Variants in SLC24A2 observed in about 807,000 individuals in gnomAD.
SLC24A2 encodes the protein solute carrier family 24 member 2.
Under a neutral mutation model 62.0 loss-of-function variants are expected in SLC24A2, and 36 were observed. The ratio of observed to expected loss-of-function variants is 0.58; its 90% CI spans 0.44 to 0.77. SLC24A2 has a LOEUF of 0.77. Among genes scored for constraint, SLC24A2 ranks in the 30% least tolerant of loss-of-function variants. The pLI is 0.00. For synonymous variants in SLC24A2, 358 were observed against 294.0 expected (o/e 1.22, Z -2.23); for missense variants, 846 against 817.9 (o/e 1.03, Z -0.42).
intron 4 of SLC24A2, among the ~76,000 whole-genome samples, chr9:19,605,707 T>C (rs1024958876): frequency 2.6e-5 from 4 of 152,236 alleles, no homozygotes; most frequent in African/African-American, 4.8e-5. Context: ...CAGCAACTTA[T>C]TGGGCAAATG....
At chr9:19,759,867 C>G (rs1822265686) in intron 2 of SLC24A2, among the ~76,000 whole-genome samples, 1 of 152,138 alleles carries the variant, frequency 6.6e-6, no homozygotes, top group South Asian at 2.1e-4. Context: ...CCATCAAACT[C>G]CATATAAACA....
rs1330954451 is a variant in SLC24A2 at position 19,786,116 on chromosome 9, T to C, written c.751A>G (p.Met251Val). The change falls in exon 2 of 11, where the codon ATG becomes GTG. Residue 251 changes from methionine to valine, a missense_variant. Transcript: ENST00000341998. The surrounding 1 kb of genome is among the most constrained non-coding windows in gnomAD (Gnocchi z 5.0). ...DVSFYIVDLIMLIIFFLDNVI... is the reference protein window; with the variant it reads ...DVSFYIVDLIVLIIFFLDNVI... ...TTATCCAGGAAAAATATGATCAGCA[T>C]GATCAAGTCAACAATGTAGAAAGAC... 1.2e-6 allele frequency: 2 copies of C among 1,614,210 alleles called. No individual in the cohort carries two copies. The highest frequency in any genetic ancestry group is 1.7e-5 in the Admixed American group (1 of 60,028).
At chr9:20,181,349 G>A in the SLC24A2 span, among the ~76,000 whole-genome samples, 134 of 152,118 alleles carry the variant, frequency 8.8e-4, 3 homozygotes, top group East Asian at 0.017. Flanking sequence ...CTGCTCTGGC[G>A]GAAACATAAA....
the SLC24A2 span, among the ~76,000 whole-genome samples, chr9:19,981,487 G>A: frequency 1.3e-5 from 2 of 152,108 alleles, no homozygotes; most frequent in Non-Finnish European, 2.9e-5. Flanking sequence ...ATTTGCTCTA[G>A]CATTTTTGGT....
chr9:19,550,000 C>T (rs930771778), intron 8 of SLC24A2, 137 bp downstream of exon 8: 10 of 801,610 alleles, frequency 1.2e-5, no homozygotes, highest in Non-Finnish European at 2.1e-5. Flanking sequence ...AATAGTTGTA[C>T]CTATTTATGG....
intron 2 of SLC24A2, among the ~76,000 whole-genome samples, chr9:19,666,727 G>A (rs1326864260): frequency 6.6e-6 from 1 of 152,012 alleles, no homozygotes; most frequent in Non-Finnish European, 1.5e-5. Context: ...CCTGTCTAAA[G>A]GGCTACTAAA....
At chr9:19,873,181 G>GTCCCTTCC in the SLC24A2 span, among the ~76,000 whole-genome samples, 32 of 151,258 alleles carry the variant, frequency 2.1e-4, no homozygotes, top group African/African-American at 7.0e-4. Flanking sequence ...TAAGTAAGGT[G>GTCCCTTCC]TCCCTTCCTC....
At chr9:20,104,575 C>T in the SLC24A2 span, among the ~76,000 whole-genome samples, 1 of 152,170 alleles carries the variant, frequency 6.6e-6, no homozygotes, top group Non-Finnish European at 1.5e-5. Context: ...ACTTTCAACC[C>T]AGAATTTCAT....
intron 2 of SLC24A2, among the ~76,000 whole-genome samples, chr9:19,725,023 A>C (rs1456037285): frequency 1.3e-5 from 2 of 152,164 alleles, no homozygotes; most frequent in African/African-American, 4.8e-5. Flanking sequence ...GGTCTGCACC[A>C]TCCAAAACCT....
intron 8 of SLC24A2, among the ~76,000 whole-genome samples, chr9:19,529,201 T>C (rs1008965293): frequency 1.3e-5 from 2 of 152,186 alleles, no homozygotes; most frequent in South Asian, 2.1e-4. Flanking sequence ...TCCAATTTTA[T>C]CTAGAGAAAT....
At chr9:20,233,339 C>A in the SLC24A2 span, among the ~76,000 whole-genome samples, 1 of 152,062 alleles carries the variant, frequency 6.6e-6, no homozygotes, top group African/African-American at 2.4e-5. Context: ...TAAAGTCTCC[C>A]ATTATTATTG....
At chr9:20,150,209 G>A in the SLC24A2 span, among the ~76,000 whole-genome samples, 3 of 151,958 alleles carry the variant, frequency 2.0e-5, no homozygotes, top group African/African-American at 4.8e-5. Context: ...ATTTTGGGGT[G>A]ATTTGTTCAC....
intron 2 of SLC24A2, among the ~76,000 whole-genome samples, chr9:19,735,234 C>T (rs1464985427): frequency 6.6e-6 from 1 of 152,078 alleles, no homozygotes; most frequent in African/African-American, 2.4e-5. Flanking sequence ...GACATTTATG[C>T]AGCCAAAAGA....
At chr9:19,645,015 G>A (rs1006653911) in intron 2 of SLC24A2, among the ~76,000 whole-genome samples, 40 of 152,214 alleles carry the variant, frequency 2.6e-4, no homozygotes, top group African/African-American at 9.4e-4. Context: ...AATATACAGT[G>A]CTTAAAGGTG....
At chr9:20,042,105 C>A in the SLC24A2 span, among the ~76,000 whole-genome samples, 1 of 152,196 alleles carries the variant, frequency 6.6e-6, no homozygotes, top group African/African-American at 2.4e-5. Context: ...GAGCACTGTC[C>A]CTGGTGGGCA....
At chr9:20,144,404 T>C in the SLC24A2 span, among the ~76,000 whole-genome samples, 1 of 152,242 alleles carries the variant, frequency 6.6e-6, no homozygotes, top group Non-Finnish European at 1.5e-5. Flanking sequence ...CCTTCTGTTA[T>C]ACGGATGTCT....
intron 2 of SLC24A2, among the ~76,000 whole-genome samples, chr9:19,623,384 G>C (rs1817956636): frequency 6.6e-6 from 1 of 152,134 alleles, no homozygotes; most frequent in Non-Finnish European, 1.5e-5. Flanking sequence ...GCCAGATGCA[G>C]AACAGTTTTA....
the SLC24A2 span, among the ~76,000 whole-genome samples, chr9:19,885,191 G>C: frequency 6.6e-6 from 1 of 152,148 alleles, no homozygotes; most frequent in African/African-American, 2.4e-5. Context: ...ACTCTCACTG[G>C]ACCCGTTTAA....
At chr9:19,553,034 C>G (rs77590059) in intron 7 of SLC24A2, among the ~76,000 whole-genome samples, 2 of 152,156 alleles carry the variant, frequency 1.3e-5, no homozygotes, top group African/African-American at 2.4e-5. Context: ...TCACAGCCTC[C>G]TGGGGGCCAA....
Sources: gnomAD v4.1 joint callset for allele counts (sites outside exome capture counted in the v4.1 genomes callset) on GRCh38, gnomAD v4.1.1 for gene constraint, Gnocchi (gnomAD v3.1) non-coding constraint, MANE v1.5 for transcripts, NCBI Gene and HGNC (gene_info 2026-07-23, HGNC 2026-07-21) for gene names.